Variants in CTIF observed in about 807,000 individuals in gnomAD.
The protein encoded by CTIF is cap binding complex dependent translation initiation factor.
CTIF carries 21 observed loss-of-function variants against 66.0 expected under a neutral mutation model. That is an observed-to-expected ratio of 0.32 (90% CI 0.23 to 0.46). The LOEUF is 0.46. Ranked by LOEUF, CTIF falls within the 20% of genes least tolerant of loss-of-function variation. CTIF has a pLI of 1.00. For synonymous variants in CTIF, 345 were observed against 326.4 expected (o/e 1.06, Z -0.62); for missense variants, 739 against 812.7 (o/e 0.91, Z 1.10).
intron 10 of CTIF, among the ~76,000 whole-genome samples, chr18:48,837,243 G>A (rs923530185): frequency 5.9e-5 from 9 of 152,208 alleles, no homozygotes; most frequent in Middle Eastern, 3.4e-3. Context: ...CTGTGCTCAC[G>A]AGAGCCCCTC....
intron 10 of CTIF, among the ~76,000 whole-genome samples, chr18:48,823,072 C>G (rs1292681059): frequency 2.0e-5 from 3 of 152,122 alleles, no homozygotes; most frequent in Non-Finnish European, 2.9e-5. Flanking sequence ...AACTCTTTAT[C>G]AGATGTATGG....
At chr18:48,729,529 G>C (rs1009562035) in intron 7 of CTIF, among the ~76,000 whole-genome samples, 4 of 152,212 alleles carry the variant, frequency 2.6e-5, no homozygotes, top group African/African-American at 9.7e-5. Flanking sequence ...AGTAGGATGA[G>C]AGCTGGCGTC....
Position 48,655,365 on chromosome 18 carries a change from C to T in CTIF, c.253-8387C>T, listed in dbSNP as rs571859336. On this transcript the variant is annotated intron_variant, in intron 3 of 11. Transcript: ENST00000256413. ...AGTGACTGAATGAGGCCGCAGGAAGCAGAAAGCAGGTTGCAGGCTGAGAAT... is the reference window on the plus strand; with the variant it reads ...AGTGACTGAATGAGGCCGCAGGAAGTAGAAAGCAGGTTGCAGGCTGAGAAT... Among the ~76,000 whole-genome samples the T allele has an allele frequency of 6.0e-5, 9 of 150,968 alleles. No individual in the cohort carries two copies. In the Middle Eastern group the frequency reaches 0.027, roughly 456 times the overall value.
chr18:48,546,616 T>C (rs1224347522), intron 1 of CTIF, among the ~76,000 whole-genome samples: 1 of 152,026 alleles, frequency 6.6e-6, no homozygotes, highest in African/African-American at 2.4e-5. Flanking sequence ...CTGAGGCTCG[T>C]CTAGGCCTGG....
chr18:48,696,107 C>T (rs1480291520), intron 6 of CTIF, among the ~76,000 whole-genome samples: 1 of 152,258 alleles, frequency 6.6e-6, no homozygotes, highest in Admixed American at 6.5e-5. Context: ...CCACTTCTTC[C>T]CCAGCTGTCA....
At chr18:48,550,376 G>C (rs559799491) in intron 1 of CTIF, among the ~76,000 whole-genome samples, 1 of 152,374 alleles carries the variant, frequency 6.6e-6, no homozygotes, top group African/African-American at 2.4e-5. Context: ...TTGGTGCTCA[G>C]CTGTGGCCTG....
chr18:48,632,074 G>A (rs1454154955), intron 2 of CTIF, among the ~76,000 whole-genome samples: 1 of 152,194 alleles, frequency 6.6e-6, no homozygotes, highest in Non-Finnish European at 1.5e-5. Flanking sequence ...ACAAGAAGCT[G>A]GTGTTGAGAG....
chr18:48,603,958 C>G (rs928858471), intron 1 of CTIF, among the ~76,000 whole-genome samples: 5 of 151,310 alleles, frequency 3.3e-5, no homozygotes, highest in Non-Finnish European at 4.4e-5. Flanking sequence ...AAGCAATTCT[C>G]CTGCCTCAGC....
chr18:48,790,131 G>A (rs545773047), intron 9 of CTIF, among the ~76,000 whole-genome samples: 8 of 152,312 alleles, frequency 5.3e-5, no homozygotes, highest in South Asian at 2.1e-4. Flanking sequence ...CAGAGGTTCC[G>A]CCCCCAGTAC....
intron 10 of CTIF, among the ~76,000 whole-genome samples, chr18:48,836,306 C>T (rs1444650905): frequency 6.6e-6 from 1 of 152,110 alleles, no homozygotes; most frequent in Admixed American, 6.5e-5. Context: ...CAGAGAGGCC[C>T]TGGGCTGCCC....
At chr18:48,607,264 G>C (rs537126683) in intron 1 of CTIF, among the ~76,000 whole-genome samples, 106 of 152,312 alleles carry the variant, frequency 7.0e-4, no homozygotes, top group African/African-American at 2.5e-3. Context: ...GGTTCGTAGA[G>C]AATTCAGGGA....
chr18:48,838,414 G>A (rs188443577), intron 10 of CTIF, among the ~76,000 whole-genome samples: 32 of 152,124 alleles, frequency 2.1e-4, no homozygotes, highest in Non-Finnish European at 3.4e-4. Flanking sequence ...TGCAGTGGCC[G>A]CCTGGAAGAT....
At chr18:48,540,839 T>C (rs933566129) in intron 1 of CTIF, among the ~76,000 whole-genome samples, 3 of 152,054 alleles carry the variant, frequency 2.0e-5, no homozygotes, top group East Asian at 3.9e-4. Context: ...CGGGGTCGTG[T>C]GTCCCCGCGC....
chr18:48,727,070 GCACACACACACACACACACACACA>G (rs35188197), intron 7 of CTIF, among the ~76,000 whole-genome samples: 3 of 144,488 alleles, frequency 2.1e-5, no homozygotes, highest in African/African-American at 7.7e-5. Context: ...CAAGTTAGCT[GCACACACACACACACACACACACA>G]CACACACACA....
At chr18:48,670,501 C>CAT in intron 5 of CTIF, 168 bp from the exon 6 acceptor site, 1 of 584,642 alleles carries the variant, frequency 1.7e-6, no homozygotes, top group Non-Finnish European at 3.1e-6. Flanking sequence ...CCCCCACACA[C>CAT]ACACAGCTTC....
rs1047163081 is a variant in CTIF, at chr18:48,653,141, A to G, written c.253-10611A>G. 5.3e-5 allele frequency among the ~76,000 whole-genome samples: 8 copies of G among 152,316 alleles called. No homozygotes were observed. The East Asian group carries it at 1.5e-3, about 29-fold the overall frequency. Reference sequence around the variant, plus strand: ...AAGTTCTGGCCAGGGCACTCAGGCAAGAGAAAGAAATAAAGGGTATTCAAT... The same window carrying G: ...AAGTTCTGGCCAGGGCACTCAGGCAGGAGAAAGAAATAAAGGGTATTCAAT... On this transcript the variant is annotated intron_variant, in intron 3 of 11. Coordinates refer to ENST00000256413, the MANE Select transcript of CTIF (RefSeq NM_014772.3).
At chr18:48,736,066 G>A (rs952584685) in intron 7 of CTIF, among the ~76,000 whole-genome samples, 1 of 152,184 alleles carries the variant, frequency 6.6e-6, no homozygotes, top group African/African-American at 2.4e-5. Context: ...CCTTCCCGGA[G>A]TGTTATGAAA....
At chr18:48,560,636 C>T (rs1037366584) in intron 1 of CTIF, among the ~76,000 whole-genome samples, 1 of 152,154 alleles carries the variant, frequency 6.6e-6, no homozygotes, top group African/African-American at 2.4e-5. Context: ...AGTGGTGTGA[C>T]CTCAGCTCAC....
chr18:48,733,831 C>G (rs1227648317), intron 7 of CTIF, among the ~76,000 whole-genome samples: 1 of 152,236 alleles, frequency 6.6e-6, no homozygotes, highest in Non-Finnish European at 1.5e-5. Context: ...CCAACTCACC[C>G]TCGCAGCCCT....
Sources: allele counts gnomAD v4.1 joint callset (sites outside exome capture counted in the v4.1 genomes callset), GRCh38; gene constraint gnomAD v4.1.1; transcripts MANE v1.5; gene names NCBI Gene and HGNC (gene_info 2026-07-23, HGNC 2026-07-21).